Variants in LAMA4 observed in about 807,000 individuals in gnomAD.
LAMA4 encodes laminin subunit alpha-4.
LAMA4 carries 127 observed loss-of-function variants against 207.1 expected under a neutral mutation model. The observed-to-expected ratio is 0.61, with a 90% confidence interval of 0.53 to 0.71. LAMA4 has a LOEUF of 0.71. Ranked by LOEUF, LAMA4 falls within the 30% of genes least tolerant of loss-of-function variation. The probability of loss-of-function intolerance (pLI) is 0.00; values close to 1 mark genes in which losing one functional copy is unlikely to be tolerated. For missense variants in LAMA4, 2,093 were observed against 2,246.5 expected (o/e 0.93, Z 1.38); for synonymous variants, 761 against 816.0 (o/e 0.93, Z 1.15).
intron 25 of LAMA4, 110 bp downstream of exon 25, chr6:112,136,013 G>A: frequency 1.0e-6 from 1 of 971,678 alleles, no homozygotes. Flanking sequence ...AGATATGAAA[G>A]TTCTCAGTTT....
chr6:112,189,686 G>A (rs1429990538), intron 6 of LAMA4, among the ~76,000 whole-genome samples: 1 of 152,130 alleles, frequency 6.6e-6, no homozygotes, highest in Non-Finnish European at 1.5e-5. Flanking sequence ...GCCCAGGAGC[G>A]ATTCTTGGCT....
At chr6:112,248,882 G>C (rs1554189157) in intron 2 of LAMA4, among the ~76,000 whole-genome samples, 1 of 152,136 alleles carries the variant, frequency 6.6e-6, no homozygotes, top group African/African-American at 2.4e-5. Context: ...ATTTGGTTAA[G>C]GTAATTACCA....
In LAMA4 at chr6:112,139,769, T is replaced by C. The variant is rs1554332579; in HGVS notation, c.3093A>G (p.Thr1031=). The C allele has an allele frequency of 7.4e-6, 12 of 1,613,952 alleles. No individual in the cohort carries two copies. The Admixed American group carries it at 1.2e-4, about 16-fold the overall frequency. ...TCTCTTACCGGGCACATGGCACTGA[T>C]GTGGAGGGGTCCATATTATAGATGT... is the stretch of plus-strand genomic sequence containing the variant. ...FKHIYNMDPS[T]SVPCARDKLA... is the part of the protein sequence containing the mutation. The change falls in exon 23 of 39, where the codon ACA becomes ACG. Residue 1031 remains threonine, a synonymous_variant. Coordinates refer to ENST00000230538, the MANE Select transcript of LAMA4 (RefSeq NM_001105206.3).
At chr6:112,189,962 C>G (rs530195764) in intron 6 of LAMA4, among the ~76,000 whole-genome samples, 7 of 152,270 alleles carry the variant, frequency 4.6e-5, no homozygotes, top group South Asian at 4.1e-4. Flanking sequence ...AATTCTCTTA[C>G]CATCTATGCT....
Position 112,120,330 on chromosome 6 carries a change from GT to G in LAMA4, c.4617del (p.Lys1539AsnfsTer2). Reference sequence around the variant, plus strand: ...TATTTCTCCTGGCTTCTAATCTTCAGTTTTTTGTGACCAACATTAAACATGT... The same window carrying G: ...TATTTCTCCTGGCTTCTAATCTTCAGTTTTTGTGACCAACATTAAACATGT... ...LVYMFNVGHKKLKIRSQEKYN... is the reference protein window; with the variant it reads ...LVYMFNVGHKXLKIRSQEKYN... On this transcript the variant is annotated frameshift_variant, in exon 33 of 39. Coordinates refer to ENST00000230538, the MANE Select transcript of LAMA4 (RefSeq NM_001105206.3). LOFTEE classifies it high-confidence loss of function. 6.2e-7 allele frequency: 1 copy of G among 1,613,510 alleles called. No individual in the cohort carries two copies.
chr6:112,142,677 A>T (rs1779775384), intron 19 of LAMA4, among the ~76,000 whole-genome samples: 1 of 152,192 alleles, frequency 6.6e-6, no homozygotes, highest in African/African-American at 2.4e-5. Flanking sequence ...AATTTTGGTT[A>T]CTAATACAGC....
chr6:112,166,077 T>C (rs1442880400), intron 12 of LAMA4: 1 of 152,152 alleles, frequency 6.6e-6, no homozygotes, highest in Non-Finnish European at 1.5e-5. Flanking sequence ...CAAGTCAGAG[T>C]TGAAATATAC....
chr6:112,181,103 A>T (rs1554345214), intron 9 of LAMA4, among the ~76,000 whole-genome samples: 1 of 151,888 alleles, frequency 6.6e-6, no homozygotes, highest in Non-Finnish European at 1.5e-5. Context: ...TCCACCTGCC[A>T]CTCTGGCCTC....
intron 9 of LAMA4, chr6:112,179,160 T>C (rs1782196837): frequency 6.6e-6 from 1 of 152,182 alleles, no homozygotes; most frequent in African/African-American, 2.4e-5. Flanking sequence ...GATTCCATTC[T>C]CTCAACTTGG....
At chr6:112,230,695 G>A (rs1054112613) in intron 2 of LAMA4, among the ~76,000 whole-genome samples, 3 of 152,158 alleles carry the variant, frequency 2.0e-5, no homozygotes, top group Non-Finnish European at 4.4e-5. Context: ...CAATGTTTAA[G>A]TTAGTAGTTC....
At chr6:112,242,297 T>G (rs1392289772) in intron 2 of LAMA4, among the ~76,000 whole-genome samples, 3 of 152,210 alleles carry the variant, frequency 2.0e-5, no homozygotes, top group African/African-American at 4.8e-5. Context: ...GCAGTTTGCT[T>G]TGAGGCTTGT....
chr6:112,180,968 A>C (rs1201201772), intron 9 of LAMA4, among the ~76,000 whole-genome samples: 1 of 152,192 alleles, frequency 6.6e-6, no homozygotes. Flanking sequence ...GCCATCACAG[A>C]TATTTCACTT....
At chr6:112,248,133 A>C (rs1787135044) in intron 2 of LAMA4, among the ~76,000 whole-genome samples, 1 of 152,176 alleles carries the variant, frequency 6.6e-6, no homozygotes, top group Admixed American at 6.5e-5. Context: ...GAAAATGAAA[A>C]AGTTCTGGAG....
rs2114881777 is a variant in LAMA4, at chr6:112,175,495, A to G, written c.1190-15T>C. ...GTTGTTGATCTCTGAAAGGAAGAAC[A>G]TGGTGAAACAAGGCAGCAGGGAGAG... is the stretch of plus-strand genomic sequence containing the variant. On this transcript the variant is annotated splice_polypyrimidine_tract_variant and intron_variant, in intron 10 of 38. Transcript: ENST00000230538. 2 of 1,614,012 alleles carry G rather than the reference A, an allele frequency of 1.2e-6. No individual in the cohort carries two copies. The highest frequency in any genetic ancestry group is 1.6e-4 in the Middle Eastern group (1 of 6,062).
intron 24 of LAMA4, among the ~76,000 whole-genome samples, chr6:112,136,837 C>T (rs1779385141): frequency 6.6e-6 from 1 of 152,050 alleles, no homozygotes; most frequent in Non-Finnish European, 1.5e-5. Flanking sequence ...TTTAAGTCTA[C>T]ATTATTGCCT....
intron 14 of LAMA4, among the ~76,000 whole-genome samples, chr6:112,157,716 C>A (rs112317589): frequency 7.6e-4 from 116 of 152,160 alleles, no homozygotes; most frequent in African/African-American, 2.4e-3. Context: ...ATGAAGAGAG[C>A]CATAAGATGG....
chr6:112,121,220 A>G (rs1778337538), intron 32 of LAMA4, among the ~76,000 whole-genome samples: 1 of 152,258 alleles, frequency 6.6e-6, no homozygotes, highest in Non-Finnish European at 1.5e-5. Flanking sequence ...AGTAAAAATT[A>G]ATTAATGGAT....
At position 112,142,249 on chromosome 6, in the gene LAMA4, A is replaced by G. The variant is rs1554333505; in HGVS notation, c.2537T>C (p.Val846Ala). The change falls in exon 20 of 39, where the codon GTG becomes GCG. Residue 846 changes from valine to alanine, a missense_variant. This residue lies in a region of LAMA4 where 1,704 missense variants were observed against 1,788.4 expected (regional missense o/e 0.95). Transcript: ENST00000230538. ...GTCATCCATACTGGTTCTCGAGTGC[A>G]CTTCCACAGCTGACTGGCCATCAAA... ...MMFDGQSAVE[V>A]HSRTSMDDLK... 1.9e-6 allele frequency: 3 copies of G among 1,614,096 alleles called. No individual in the cohort carries two copies.
At position 112,119,153 on chromosome 6, in the gene LAMA4, T is replaced by C; in HGVS notation, c.4821+3A>G. ...TGGCTCTACCTGGTCATGCCTGGCT[T>C]ACCTGAACATTTTTCACAGCCTTTC... On this transcript the variant is annotated splice_donor_region_variant and intron_variant, in intron 34 of 38. Transcript: ENST00000230538. 2 of 1,613,834 alleles carry C rather than the reference T, an allele frequency of 1.2e-6. No individual in the cohort carries two copies. The highest frequency in any genetic ancestry group is 1.3e-5 in the African/African-American group (1 of 75,038).
Sources: allele counts gnomAD v4.1 joint callset (sites outside exome capture counted in the v4.1 genomes callset), GRCh38; gene constraint gnomAD v4.1.1; regional missense constraint gnomAD v4.1.1; transcripts MANE v1.5; gene names NCBI Gene and HGNC (gene_info 2026-07-23, HGNC 2026-07-21).